LRRTM4: variants seen among roughly 807,000 people sequenced by gnomAD.
LRRTM4 encodes leucine-rich repeat transmembrane neuronal protein 4.
Under a neutral mutation model 47.6 loss-of-function variants are expected in LRRTM4, and 25 were observed. That is an observed-to-expected ratio of 0.53 (90% CI 0.38 to 0.73). The LOEUF (loss-of-function observed/expected upper bound fraction) is 0.73, where lower values mean the gene tolerates loss of function less well. LRRTM4 is among the 30% of genes least tolerant of loss of function. LRRTM4 has a pLI of 0.00. For missense variants in LRRTM4, 638 were observed against 713.4 expected (o/e 0.89, Z 1.20); for synonymous variants, 311 against 269.5 (o/e 1.15, Z -1.51).
chr2:76,815,274 G>T (rs1166356625), intron 3 of LRRTM4, among the ~76,000 whole-genome samples: 1 of 152,104 alleles, frequency 6.6e-6, no homozygotes. Flanking sequence ...GCCAGTGTCA[G>T]AAAACTAACC....
chr2:77,308,291 CA>C (rs139085017), intron 3 of LRRTM4, among the ~76,000 whole-genome samples: 17,704 of 151,254 alleles, frequency 0.12, 1,786 homozygotes, highest in African/African-American at 0.26. Flanking sequence ...AAGACTAACA[CA>C]ACACAAAAAT....
chr2:76,936,250 A>G (rs1371437612), intron 3 of LRRTM4, among the ~76,000 whole-genome samples: 1 of 152,146 alleles, frequency 6.6e-6, no homozygotes, highest in African/African-American at 2.4e-5. Flanking sequence ...ATGGACTACT[A>G]TGCAGCCATA....
intron 3 of LRRTM4, among the ~76,000 whole-genome samples, chr2:76,990,599 A>G (rs1676968852): frequency 6.6e-6 from 1 of 151,848 alleles, no homozygotes; most frequent in Non-Finnish European, 1.5e-5. Context: ...AGAAGACTTA[A>G]CCATCCTTAG....
intron 3 of LRRTM4, among the ~76,000 whole-genome samples, chr2:77,243,631 A>G (rs1031323725): frequency 6.6e-6 from 1 of 152,022 alleles, no homozygotes; most frequent in Non-Finnish European, 1.5e-5. Flanking sequence ...TGGTTGCACA[A>G]CAATGTGAAT....
chr2:76,890,805 T>C (rs758719998), intron 3 of LRRTM4, among the ~76,000 whole-genome samples: 4 of 151,884 alleles, frequency 2.6e-5, no homozygotes, highest in Non-Finnish European at 4.4e-5. Flanking sequence ...AGAACTAAAA[T>C]ATAACTTCAA....
At chr2:77,155,247 T>G (rs1672530782) in intron 3 of LRRTM4, among the ~76,000 whole-genome samples, 1 of 151,980 alleles carries the variant, frequency 6.6e-6, no homozygotes, top group Non-Finnish European at 1.5e-5. Flanking sequence ...CAGATAATTG[T>G]TAAATTTTTA....
chr2:76,898,136 G>C (rs1013927385), intron 3 of LRRTM4, among the ~76,000 whole-genome samples: 1 of 151,858 alleles, frequency 6.6e-6, no homozygotes, highest in African/African-American at 2.4e-5. Context: ...TTATACCCTT[G>C]TTTTTTTCTG....
At chr2:77,196,417 T>C (rs1268256306) in intron 3 of LRRTM4, among the ~76,000 whole-genome samples, 1 of 152,076 alleles carries the variant, frequency 6.6e-6, no homozygotes, top group Non-Finnish European at 1.5e-5. Context: ...GACCCAGAAG[T>C]AAACAAAAGA....
chr2:76,793,905 C>T (rs1517781), intron 3 of LRRTM4, among the ~76,000 whole-genome samples: 23,772 of 152,012 alleles, frequency 0.16, 2,012 homozygotes, highest in African/African-American at 0.2. Context: ...ATTAGTGGGA[C>T]AGTAATTGCT....
intron 3 of LRRTM4, among the ~76,000 whole-genome samples, chr2:76,950,591 T>G (rs1390591398): frequency 6.6e-6 from 1 of 151,324 alleles, no homozygotes; most frequent in Non-Finnish European, 1.5e-5. Flanking sequence ...TTAATATGGA[T>G]TTTTTTTTGA....
intron 3 of LRRTM4, among the ~76,000 whole-genome samples, chr2:76,897,837 G>T (rs559263114): frequency 6.6e-6 from 1 of 152,144 alleles, no homozygotes; most frequent in East Asian, 1.9e-4. Context: ...CTCCATTCCT[G>T]CCTGGCCAAT....
At chr2:76,775,414 G>A (rs560267755) in intron 3 of LRRTM4, among the ~76,000 whole-genome samples, 89 of 152,200 alleles carry the variant, frequency 5.8e-4, no homozygotes, top group Non-Finnish European at 9.7e-4. Flanking sequence ...AGATGCCTTT[G>A]GTGCTGAACT....
chr2:77,066,072 A>C (rs1679940669), intron 3 of LRRTM4, among the ~76,000 whole-genome samples: 1 of 152,192 alleles, frequency 6.6e-6, no homozygotes, highest in East Asian at 1.9e-4. Context: ...AAAATGGTGT[A>C]CTATAACTTT....
At chr2:76,917,985 T>A (rs1674310717) in intron 3 of LRRTM4, among the ~76,000 whole-genome samples, 1 of 152,186 alleles carries the variant, frequency 6.6e-6, no homozygotes, top group Non-Finnish European at 1.5e-5. Context: ...CCTGCAATCT[T>A]GACTATAACA....
At chr2:77,327,196 A>G (rs1445896651) in intron 3 of LRRTM4, among the ~76,000 whole-genome samples, 1 of 152,232 alleles carries the variant, frequency 6.6e-6, no homozygotes, top group African/African-American at 2.4e-5. Context: ...TTGTGGTACT[A>G]AAGTATAACT....
intron 3 of LRRTM4, among the ~76,000 whole-genome samples, chr2:76,978,378 T>C (rs1000438147): frequency 5.3e-5 from 8 of 152,096 alleles, no homozygotes; most frequent in African/African-American, 1.9e-4. Context: ...CTTAGTTATG[T>C]TAGTGATGAT....
chr2:77,189,395 G>A (rs910325950), intron 3 of LRRTM4, among the ~76,000 whole-genome samples: 3 of 152,064 alleles, frequency 2.0e-5, no homozygotes, highest in East Asian at 3.9e-4. Flanking sequence ...TGGACTAAAG[G>A]TTTGTGTCCC....
chr2:76,835,629 T>C (rs1390658513), intron 3 of LRRTM4, among the ~76,000 whole-genome samples: 1 of 152,032 alleles, frequency 6.6e-6, no homozygotes, highest in African/African-American at 2.4e-5. Flanking sequence ...ATGGGAGTGT[T>C]TTCCTGAAAG....
intron 3 of LRRTM4, among the ~76,000 whole-genome samples, chr2:77,139,745 C>A (rs1181671187): frequency 6.6e-6 from 1 of 152,178 alleles, no homozygotes; most frequent in Non-Finnish European, 1.5e-5. Flanking sequence ...AGCCCCAAAT[C>A]TCCTTAAGTG....
Sources: allele counts gnomAD v4.1 joint callset (sites outside exome capture counted in the v4.1 genomes callset), GRCh38; gene constraint gnomAD v4.1.1; transcripts MANE v1.5; gene names NCBI Gene and HGNC (gene_info 2026-07-23, HGNC 2026-07-21).